BMPR1B: variants seen among roughly 807,000 people sequenced by gnomAD.
The protein encoded by BMPR1B is bone morphogenetic protein receptor type 1B, also known as bone morphogenetic protein receptor type-1B.
BMPR1B carries 12 observed loss-of-function variants against 59.1 expected under a neutral mutation model. The ratio of observed to expected loss-of-function variants is 0.20; its 90% CI spans 0.13 to 0.33. The LOEUF (loss-of-function observed/expected upper bound fraction) is 0.33, where lower values mean the gene tolerates loss of function less well. Ranked by LOEUF, BMPR1B falls within the 10% of genes least tolerant of loss-of-function variation. The pLI is 1.00. For synonymous variants in BMPR1B, 237 were observed against 207.3 expected (o/e 1.14, Z -1.23); for missense variants, 550 against 610.9 (o/e 0.90, Z 1.05).
At chr4:95,090,504 A>G (rs1196296651) in intron 3 of BMPR1B, among the ~76,000 whole-genome samples, 1 of 152,032 alleles carries the variant, frequency 6.6e-6, no homozygotes, top group African/African-American at 2.4e-5. Context: ...ATAAAAGGAA[A>G]TAGAGTGAAC....
At chr4:94,791,542 G>T (rs1444318489) in intron 1 of BMPR1B, among the ~76,000 whole-genome samples, 1 of 152,076 alleles carries the variant, frequency 6.6e-6, no homozygotes, top group Non-Finnish European at 1.5e-5. Context: ...CACTTGCAAA[G>T]ATACTTATCT....
chr4:94,937,147 C>T (rs950483572), intron 2 of BMPR1B, among the ~76,000 whole-genome samples: 1 of 152,154 alleles, frequency 6.6e-6, no homozygotes, highest in Admixed American at 6.5e-5. Context: ...TTGTACTGGC[C>T]TGCTCACTCA....
chr4:95,057,996 G>A (rs954832768), intron 3 of BMPR1B, among the ~76,000 whole-genome samples: 8 of 152,156 alleles, frequency 5.3e-5, no homozygotes, highest in Non-Finnish European at 1.2e-4. Context: ...TGTAAAAAAA[G>A]ATGCTATAGA....
intron 2 of BMPR1B, among the ~76,000 whole-genome samples, chr4:94,902,283 G>A (rs905274919): frequency 3.0e-5 from 4 of 131,274 alleles, no homozygotes; most frequent in Non-Finnish European, 6.5e-5. Context: ...GAGAGAGAGA[G>A]AGAGAGAGAG....
At chr4:94,822,654 A>C (rs940686909) in intron 1 of BMPR1B, among the ~76,000 whole-genome samples, 1 of 152,122 alleles carries the variant, frequency 6.6e-6, no homozygotes, top group Non-Finnish European at 1.5e-5. Context: ...AGGGGGCTGT[A>C]ATGGATGTGG....
At chr4:94,849,796 G>GTGTGTGTT (rs763500132) in intron 1 of BMPR1B, among the ~76,000 whole-genome samples, 23,798 of 149,358 alleles carry the variant, frequency 0.16, 2,105 homozygotes, top group African/African-American at 0.22. Context: ...GTTTTTTGGT[G>GTGTGTGTT]TGTGTGTGTG....
intron 2 of BMPR1B, among the ~76,000 whole-genome samples, chr4:94,965,681 A>T (rs1316696496): frequency 1.3e-5 from 2 of 152,206 alleles, no homozygotes; most frequent in Non-Finnish European, 2.9e-5. Flanking sequence ...CCCTGAATTT[A>T]TCTGGCAGTA....
At chr4:95,061,190 CA>C (rs1560624787) in intron 3 of BMPR1B, among the ~76,000 whole-genome samples, 4 of 106,214 alleles carry the variant, frequency 3.8e-5, no homozygotes, top group Admixed American at 9.7e-5. Context: ...CACACACACA[CA>C]CACACACACA....
intron 3 of BMPR1B, among the ~76,000 whole-genome samples, chr4:95,072,813 A>G (rs1247996974): frequency 6.6e-6 from 1 of 152,182 alleles, no homozygotes. Context: ...AAATTATTTC[A>G]TTAATCATTT....
chr4:94,789,134 A>G (rs1022828321), intron 1 of BMPR1B, among the ~76,000 whole-genome samples: 11 of 152,198 alleles, frequency 7.2e-5, no homozygotes, highest in African/African-American at 2.4e-4. Flanking sequence ...ACACATGCAT[A>G]TTAAAGTCCA....
At chr4:94,871,154 A>G (rs1272181909) in intron 1 of BMPR1B, among the ~76,000 whole-genome samples, 2 of 152,246 alleles carry the variant, frequency 1.3e-5, no homozygotes, top group African/African-American at 2.4e-5. Flanking sequence ...TCACACAGCC[A>G]GTAAACATAA....
chr4:95,106,866 G>C (rs781583096), intron 4 of BMPR1B, among the ~76,000 whole-genome samples: 16 of 151,770 alleles, frequency 1.1e-4, no homozygotes, highest in Non-Finnish European at 2.2e-4. Context: ...CACTCTGCTG[G>C]GATTAGGTGG....
At chr4:95,026,143 T>TTTCTTTCC (rs1724393183) in intron 3 of BMPR1B, among the ~76,000 whole-genome samples, 1 of 150,034 alleles carries the variant, frequency 6.7e-6, no homozygotes, top group Non-Finnish European at 1.5e-5. Context: ...TCTTTCTTTC[T>TTTCTTTCC]TTCTTTCTTT....
At chr4:95,072,523 T>TTAA (rs1186606399) in intron 3 of BMPR1B, among the ~76,000 whole-genome samples, 6 of 152,134 alleles carry the variant, frequency 3.9e-5, no homozygotes, top group Non-Finnish European at 8.8e-5. Flanking sequence ...AGGTAACACT[T>TTAA]AATAGAGACC....
chr4:95,060,521 G>A (rs1579009503), intron 3 of BMPR1B, among the ~76,000 whole-genome samples: 1 of 152,304 alleles, frequency 6.6e-6, no homozygotes, highest in Non-Finnish European at 1.5e-5. Context: ...AACAATCCAA[G>A]TATGAGCTGA....
At chr4:95,150,518 A>G (rs1398018791) in intron 11 of BMPR1B, among the ~76,000 whole-genome samples, 5 of 152,036 alleles carry the variant, frequency 3.3e-5, no homozygotes, top group Admixed American at 3.3e-4. Context: ...CTTAATTAAG[A>G]TAGCTTTATG....
At chr4:95,112,050 T>C (rs1198902506) in intron 4 of BMPR1B, among the ~76,000 whole-genome samples, 2 of 152,128 alleles carry the variant, frequency 1.3e-5, no homozygotes, top group Non-Finnish European at 1.5e-5. Context: ...CTGTTTCATT[T>C]TGCTATCACT....
chr4:95,088,771 G>GT (rs1159567538), intron 3 of BMPR1B, among the ~76,000 whole-genome samples: 1 of 151,370 alleles, frequency 6.6e-6, no homozygotes, highest in African/African-American at 2.4e-5. Flanking sequence ...AGGCCATTAA[G>GT]TTTTTTCTTT....
intron 3 of BMPR1B, among the ~76,000 whole-genome samples, chr4:95,020,209 G>T (rs1723871969): frequency 6.6e-6 from 1 of 152,046 alleles, no homozygotes; most frequent in Non-Finnish European, 1.5e-5. Context: ...TGCTAGGTAG[G>T]GATGCCACCA....
Sources: gnomAD v4.1 joint callset for allele counts (sites outside exome capture counted in the v4.1 genomes callset) on GRCh38, gnomAD v4.1.1 for gene constraint, MANE v1.5 for transcripts, NCBI Gene and HGNC (gene_info 2026-07-23, HGNC 2026-07-21) for gene names.